OBSL1: variants seen among roughly 807,000 people sequenced by gnomAD.
The protein encoded by OBSL1 is obscurin-like protein 1.
A neutral mutation model predicts 172.0 loss-of-function variants in OBSL1; 160 were observed. That is an observed-to-expected ratio of 0.93 (90% CI 0.82 to 1.06). The LOEUF (loss-of-function observed/expected upper bound fraction) is 1.06. Ranked by LOEUF, OBSL1 falls within the 50% of genes least tolerant of loss-of-function variation. OBSL1 has a pLI of 0.00. For missense variants in OBSL1, 2,681 were observed against 2,715.4 expected, an observed-to-expected ratio of 0.99 and a Z score of 0.28; for synonymous variants, 1,200 against 1,196.3, an observed-to-expected ratio of 1.00 and a Z score of -0.06.
chr2:219,557,429 C>T lies in OBSL1; in HGVS notation c.3980G>A (p.Arg1327Gln), dbSNP rs560822587. The change falls in exon 12 of 21, where the codon CGG (arginine) becomes CAG (glutamine). Residue 1327 changes from arginine (R) to glutamine (Q), a missense_variant. This residue lies in a region of OBSL1 where 1,765 missense variants were observed against 1,748.3 expected (regional missense o/e 1.01). Coordinates refer to ENST00000404537, the MANE Select transcript of OBSL1 (RefSeq NM_015311.3). ...LEQAGARQVL[R>Q]VQGARSGDAG... ...GTCCCCGCTCCGTGCCCCCTGCACCCGCAGCACCTGCCTGGCCCCGGCCTG... is the reference window on the plus strand; with the variant it reads ...GTCCCCGCTCCGTGCCCCCTGCACCTGCAGCACCTGCCTGGCCCCGGCCTG... 186 of 1,548,852 alleles carry T rather than the reference C, an allele frequency of 1.2e-4. No homozygotes were observed. The Middle Eastern group carries it at 1.3e-3, about 11-fold the overall frequency.
intron 18 of OBSL1, 128 bp from the exon 19 acceptor site, chr2:219,552,344 G>C: frequency 1.0e-6 from 1 of 957,904 alleles, no homozygotes; most frequent in Non-Finnish European, 1.6e-6. Flanking sequence ...GGGCGGAACA[G>C]GGATGCGGAG....
intron 16 of OBSL1, 106 bp from the exon 17 acceptor site, chr2:219,553,130 G>T: frequency 7.5e-7 from 1 of 1,337,370 alleles, no homozygotes; most frequent in Non-Finnish European, 9.7e-7. Flanking sequence ...GTCTCGAGGC[G>T]CGTTTATGCG....
rs751187927 is a variant in OBSL1 at position 219,571,086 on chromosome 2, C to T, written c.147G>A (p.Gly49=). The T allele has an allele frequency of 2.7e-6, 4 of 1,469,476 alleles. No individual in the cohort carries two copies. Among genetic ancestry groups the T allele is most frequent in the African/African-American group, 1.5e-5 (1 of 68,492 alleles). 91.0% of individuals were successfully genotyped at this position (1,469,476 alleles called of 1,614,324 possible). A position where few individuals can be genotyped will look rare whatever the true frequency, so the allele number is the denominator to read the frequency against. Reference sequence around the variant, plus strand: ...GGCGTTCCGAGGCCGCCAGCTGCTGCCCGCCCTTCTCCCACACCACTACAG... The same window carrying T: ...GGCGTTCCGAGGCCGCCAGCTGCTGTCCGCCCTTCTCCCACACCACTACAG... ...PPPVVVWEKG[G]QQLAASERLS... is the part of the protein sequence containing the mutation. The change falls in exon 1 of 21, where the codon GGG becomes GGA. Residue 49 remains glycine (G), a synonymous_variant. Transcript: ENST00000404537.
chr2:219,561,158 AG>A (rs1484710139), intron 8 of OBSL1, among the ~76,000 whole-genome samples: 5 of 152,014 alleles, frequency 3.3e-5, no homozygotes, highest in African/African-American at 1.2e-4. Context: ...TGCAAGGAGC[AG>A]GGGGGCCCTA....
In OBSL1 at chr2:219,551,651, T is replaced by C. The variant is rs963706050; in HGVS notation, c.5561A>G (p.Tyr1854Cys). 5.0e-6 allele frequency: 8 copies of C among 1,611,774 alleles called. No homozygotes were observed. The East Asian group carries it at 8.9e-5, about 18-fold the overall frequency. The change falls in exon 20 of 21, where the codon TAT becomes TGT. Residue 1854 changes from tyrosine (Y) to cysteine (C), a missense_variant. Tyr to Cys is a radical substitution (Grantham distance 194, BLOSUM62 -2). Coordinates refer to ENST00000404537, the MANE Select transcript of OBSL1 (RefSeq NM_015311.3). ...EGAELCPGDK[Y>C]EMRSHGPTHS... ...GGTGGGGCCGTGGCTGCGCATCTCA[T>C]ACTTATCTCCCGGGCACAGCTCGGC...
At chr2:219,550,446 T>G, downstream of OBSL1, 1 of 223,036 alleles carries the variant, frequency 4.5e-6, no homozygotes, top group Non-Finnish European at 8.9e-6. Context: ...CTGGGCTGGG[T>G]TGGGAAGGGA....
chr2:219,556,992 A>G, intron 12 of OBSL1: 2 of 507,668 alleles, frequency 3.9e-6, no homozygotes, highest in East Asian at 6.1e-5. Context: ...TACAGCATTT[A>G]CTTGTCACAA....
At chr2:219,553,296 G>A (rs1471242451) in intron 16 of OBSL1, among the ~76,000 whole-genome samples, 1 of 152,186 alleles carries the variant, frequency 6.6e-6, no homozygotes, top group East Asian at 1.9e-4. Context: ...ACATGGGCAC[G>A]GATTCTGGAG....
In OBSL1 at chr2:219,550,788, G is replaced by A. The variant is rs1371328225; in HGVS notation, c.*47C>T. On this transcript the variant is annotated 3_prime_UTR_variant, in exon 21 of 21. Transcript: ENST00000404537. ...ACCCCTGCCCAGGGTAAGGGCAAAC[G>A]CCTTCCAAGCTGTCCAAGGGCACCC... The A allele has an allele frequency of 6.2e-6, 10 of 1,602,854 alleles. No individual in the cohort carries two copies. The highest frequency in any genetic ancestry group is 2.2e-5 in the East Asian group (1 of 44,482).
rs371466941 is a variant in OBSL1 at position 219,567,735 on chromosome 2, G to A, written c.1517C>T (p.Thr506Met). 30 of 1,610,950 alleles carry A rather than the reference G, an allele frequency of 1.9e-5. No individual in the cohort carries two copies. Among genetic ancestry groups the A allele is most frequent in the African/African-American group, 2.7e-5 (2 of 74,866 alleles). The stretch of plus-strand genomic sequence containing the variant: ...GCCCTCACATTTTACTCTGAGAAGC[G>A]TAGTGGTACGGGAGTTGCCCAGGCT... The part of the protein sequence containing the change: ...TFSLGNSRTT[T>M]LLRVKCVKHS... The change falls in exon 3 of 21, where the codon ACG becomes ATG. Residue 506 changes from threonine (T) to methionine (M), a missense_variant. By Grantham distance (81) the Thr-to-Met change is moderately conservative. Transcript: ENST00000404537.
In OBSL1 at chr2:219,563,504, C is replaced by T; in HGVS notation, c.2531G>A (p.Gly844Glu). 6.2e-7 allele frequency: 1 copy of T among 1,613,974 alleles called. No individual in the cohort carries two copies. Among genetic ancestry groups the T allele is most frequent in the Middle Eastern group, 1.6e-4 (1 of 6,062 alleles). The change falls in exon 7 of 21, where the codon GGG becomes GAG. Residue 844 changes from glycine to glutamate, a missense_variant. Transcript: ENST00000404537. ...EDAPVRWYKDGQEVEESDFVV... is the reference protein window; with the variant it reads ...EDAPVRWYKDEQEVEESDFVV... Reference sequence around the variant, plus strand: ...GAAGTCACTCTCCTCCACCTCCTGCCCGTCCTTGTACCAACGCACAGGGGC... The same window carrying T: ...GAAGTCACTCTCCTCCACCTCCTGCTCGTCCTTGTACCAACGCACAGGGGC...
chr2:219,556,124 C>T lies in OBSL1; in HGVS notation c.4505G>A (p.Gly1502Glu), dbSNP rs762838109. 3.1e-6 allele frequency: 5 copies of T among 1,613,922 alleles called. No homozygotes were observed. Among genetic ancestry groups the T allele is most frequent in the Non-Finnish European group, 4.2e-6 (5 of 1,179,896 alleles). The change falls in exon 14 of 21, where the codon GGG (glycine) becomes GAG (glutamate). Residue 1502 changes from glycine to glutamate, a missense_variant. Around this residue, in one of 5 missense-constraint regions of OBSL1, gnomAD observed 1,765 missense variants for 1,748.3 expected, o/e 1.01. Coordinates refer to ENST00000404537, the MANE Select transcript of OBSL1 (RefSeq NM_015311.3). ...HDSRLSMAQD[G>E]HIHRLFIHGV... is the part of the protein sequence containing the mutation. ...ATGGATGAAGAGGCGGTGGATGTGC[C>T]CATCCTGGGCCATGGACAGGCGAGA...
In OBSL1 at chr2:219,556,524, T is replaced by C; in HGVS notation, c.4266A>G (p.Gln1422=). The change falls in exon 13 of 21, where the codon CAA becomes CAG. Residue 1422 remains glutamine, a synonymous_variant. Transcript: ENST00000404537. ...AAGTCACGGTCCCTGCATCCCCCAG[T>C]TGGCAGCCTCGCAAGGTTAAGATGC... The part of the protein sequence containing the change: ...SSRILTLRGC[Q]LGDAGTVTLR... 6.2e-7 allele frequency: 1 copy of C among 1,613,904 alleles called. No homozygotes were observed. The highest frequency in any genetic ancestry group is 1.1e-5 in the South Asian group (1 of 91,076).
intron 9 of OBSL1, among the ~76,000 whole-genome samples, 197 bp from the exon 10 acceptor site, chr2:219,558,656 C>G (rs767220390): frequency 3.9e-5 from 6 of 152,230 alleles, no homozygotes; most frequent in Non-Finnish European, 8.8e-5. Context: ...TCTGACCACC[C>G]TCAAGAGGTG....
chr2:219,564,925 G>T (rs1319282472), intron 6 of OBSL1, among the ~76,000 whole-genome samples: 2 of 152,152 alleles, frequency 1.3e-5, no homozygotes, highest in Non-Finnish European at 1.5e-5. Flanking sequence ...AAATTAGCTG[G>T]GCGTGGTGGC....
chr2:219,549,397 T>C (rs373500387), downstream of OBSL1: 1,519 of 1,584,316 alleles, frequency 9.6e-4, 31 homozygotes, highest in South Asian at 0.014. Flanking sequence ...GAAGGAAGTG[T>C]GGAAACTCTT....
intron 14 of OBSL1, 49 bp from the exon 15 acceptor site, chr2:219,554,789 CAG>C: frequency 1.2e-5 from 18 of 1,497,390 alleles, no homozygotes; most frequent in Non-Finnish European, 1.6e-5. Context: ...CAGCTCTGGG[CAG>C]GGGTTGCAGT....
chr2:219,570,742 T>C lies in OBSL1; in HGVS notation c.491A>G (p.Asp164Gly). The change falls in exon 1 of 21, where the codon GAC becomes GGC. Residue 164 changes from aspartate (D) to glycine (G), a missense_variant. Asp to Gly is a moderately conservative substitution (Grantham distance 94). This residue lies in a region of OBSL1 where 706 missense variants were observed against 695.8 expected (regional missense o/e 1.01). Transcript: ENST00000404537. Reference protein sequence around the residue: ...LPEPTLYWEKDGMALDEVWDS... With the variant: ...LPEPTLYWEKGGMALDEVWDS... ...CCACACTTCGTCCAGGGCCATCCCG[T>C]CCTTCTCCCAGTACAGTGTGGGCTC... is the stretch of plus-strand genomic sequence containing the variant. 3 of 1,510,460 alleles carry C rather than the reference T, an allele frequency of 2.0e-6. No individual in the cohort carries two copies. Among genetic ancestry groups the C allele is most frequent in the South Asian group, 1.2e-5 (1 of 81,076 alleles). The allele number at this position is 1,510,460 out of a possible 1,614,324, so 93.6% of individuals were successfully genotyped here. A position where few individuals can be genotyped will look rare whatever the true frequency, so the allele number is the denominator to read the frequency against.
chr2:219,555,750 T>C (rs974618130), intron 14 of OBSL1: 57 of 1,347,056 alleles, frequency 4.2e-5, no homozygotes, highest in Non-Finnish European at 5.1e-5. Flanking sequence ...AGGATGCCCA[T>C]GGCAAGTCTT....
Sources: gnomAD v4.1 joint callset for allele counts (sites outside exome capture counted in the v4.1 genomes callset) on GRCh38, gnomAD v4.1.1 for gene constraint, gnomAD v4.1.1 regional missense constraint, MANE v1.5 for transcripts, NCBI Gene and HGNC (gene_info 2026-07-23, HGNC 2026-07-21) for gene names.